Variants in TCF7L2 observed in about 807,000 individuals in gnomAD.
TCF7L2 encodes the protein transcription factor 7-like 2.
Under a neutral mutation model 77.9 loss-of-function variants are expected in TCF7L2, and 23 were observed. That is an observed-to-expected ratio of 0.30 (90% CI 0.21 to 0.42). The LOEUF is 0.42. Among genes scored for constraint, TCF7L2 ranks in the 10% least tolerant of loss-of-function variants. The probability of loss-of-function intolerance (pLI) is 1.00; values close to 1 mark genes in which losing one functional copy is unlikely to be tolerated. For missense variants in TCF7L2, 654 were observed against 793.1 expected (o/e 0.82, Z 2.11); for synonymous variants, 413 against 340.2 (o/e 1.21, Z -2.36).
chr10:113,104,688 A>G (rs2062058911), intron 5 of TCF7L2, among the ~76,000 whole-genome samples: 1 of 151,064 alleles, frequency 6.6e-6, no homozygotes, highest in African/African-American at 2.4e-5. Context: ...ATATCTCAGC[A>G]TTACTGAGCT....
chr10:113,101,256 C>G (rs2061603493), intron 5 of TCF7L2, among the ~76,000 whole-genome samples: 1 of 152,108 alleles, frequency 6.6e-6, no homozygotes, highest in African/African-American at 2.4e-5. Flanking sequence ...TATATCTTAT[C>G]TCATAAGATA....
intron 4 of TCF7L2, among the ~76,000 whole-genome samples, chr10:113,008,270 C>T (rs1291755444): frequency 6.6e-6 from 1 of 152,192 alleles, no homozygotes; most frequent in Admixed American, 6.5e-5. Context: ...TTCCCCACAC[C>T]TGCGTTGGGT....
intron 5 of TCF7L2, among the ~76,000 whole-genome samples, chr10:113,138,469 T>G (rs2067773014): frequency 6.6e-6 from 1 of 152,142 alleles, no homozygotes; most frequent in Admixed American, 6.5e-5. Context: ...AAACGCTATC[T>G]TCCTCTTTTG....
At chr10:113,023,905 G>C (rs1230146616) in intron 4 of TCF7L2, among the ~76,000 whole-genome samples, 1 of 151,732 alleles carries the variant, frequency 6.6e-6, no homozygotes, top group Admixed American at 6.6e-5. Flanking sequence ...TGATCCGCCC[G>C]CCTCGGCCTC....
intron 4 of TCF7L2, among the ~76,000 whole-genome samples, chr10:112,990,911 T>C (rs188612240): frequency 7.2e-5 from 11 of 152,230 alleles, no homozygotes; most frequent in East Asian, 5.8e-4. Context: ...GGCTTTTCAA[T>C]TGGAGACTGA....
intron 3 of TCF7L2, among the ~76,000 whole-genome samples, chr10:112,962,878 C>T (rs982588595): frequency 6.6e-6 from 1 of 152,196 alleles, no homozygotes; most frequent in African/African-American, 2.4e-5. Context: ...GGATTACAGG[C>T]GTGAGCCACT....
At chr10:113,095,306 G>A (rs115170239) in intron 5 of TCF7L2, among the ~76,000 whole-genome samples, 2,083 of 152,180 alleles carry the variant, frequency 0.014, 64 homozygotes, top group African/African-American at 0.048. Flanking sequence ...TGAGTGGGCC[G>A]GCAAATTCAA....
chr10:113,121,343 A>T (rs750211676), intron 5 of TCF7L2, among the ~76,000 whole-genome samples: 2 of 152,178 alleles, frequency 1.3e-5, no homozygotes, highest in Non-Finnish European at 2.9e-5. Flanking sequence ...TCATGACAAC[A>T]TGCCATTAGA....
At chr10:113,015,488 C>T (rs1457690529) in intron 4 of TCF7L2, among the ~76,000 whole-genome samples, 29 of 138,950 alleles carry the variant, frequency 2.1e-4, no homozygotes, top group African/African-American at 5.4e-4. Flanking sequence ...TCAGCTCTGT[C>T]GCCCAGGCTG....
chr10:113,139,898 G>A (rs777551439), intron 5 of TCF7L2, among the ~76,000 whole-genome samples: 3 of 151,582 alleles, frequency 2.0e-5, no homozygotes, highest in Non-Finnish European at 4.4e-5. Context: ...GGCACTAGTG[G>A]GCAGCACTAG....
intron 13 of TCF7L2, among the ~76,000 whole-genome samples, chr10:113,164,204 A>G (rs2073673311): frequency 6.6e-6 from 1 of 152,150 alleles, no homozygotes; most frequent in Admixed American, 6.5e-5. Flanking sequence ...GATTAATGGG[A>G]GGAGAAGCTT....
chr10:113,157,303 A>T (rs2137331300), intron 11 of TCF7L2, among the ~76,000 whole-genome samples: 1 of 152,226 alleles, frequency 6.6e-6, no homozygotes, highest in Admixed American at 6.5e-5. Context: ...TTTTTAGTAG[A>T]GACGGGGTTT....
chr10:113,081,749 G>T (rs1423814905), intron 5 of TCF7L2, among the ~76,000 whole-genome samples: 3 of 152,210 alleles, frequency 2.0e-5, no homozygotes, highest in African/African-American at 7.2e-5. Context: ...GTGCCAGTTA[G>T]TGTATGGATG....
intron 4 of TCF7L2, among the ~76,000 whole-genome samples, chr10:113,016,649 T>G (rs1038894691): frequency 2.0e-4 from 30 of 152,144 alleles, no homozygotes; most frequent in Admixed American, 1.4e-3. Flanking sequence ...TGACTTCGAC[T>G]GGAATTGAAT....
intron 4 of TCF7L2, among the ~76,000 whole-genome samples, chr10:112,984,459 TC>T (rs1185949153): frequency 1.3e-5 from 2 of 152,172 alleles, no homozygotes; most frequent in Non-Finnish European, 2.9e-5. Flanking sequence ...GTGCCTTACC[TC>T]TTTAATTGGT....
At chr10:113,145,986 C>CT in intron 7 of TCF7L2, 25 bp from the exon 8 acceptor site, 2 of 876,664 alleles carry the variant, frequency 2.3e-6, no homozygotes, top group Non-Finnish European at 1.8e-6. Context: ...TTTCAAGTCT[C>CT]TTACTTTGTA....
rs7918599 is a variant in TCF7L2 at position 113,017,637 on chromosome 10, C to T, written c.451-22388C>T. On this transcript the variant is annotated intron_variant, in intron 4 of 13. Coordinates refer to ENST00000627217, the MANE Select transcript of TCF7L2 (RefSeq NM_001146274.2). ...CACTGGAGACACCCTCTCTGGTCAC[C>T]GCAGACTTCCTGCCCTCCATCCAGT... Among the ~76,000 whole-genome samples the T allele has an allele frequency of 0.54, 81,656 of 152,066 alleles. 24,647 individuals are homozygous for T. Among genetic ancestry groups the T allele is most frequent in the African/African-American group, 0.81 (33,474 of 41,504 alleles).
chr10:113,143,116 C>G (rs1037712513), intron 6 of TCF7L2, among the ~76,000 whole-genome samples: 2 of 152,254 alleles, frequency 1.3e-5, no homozygotes, highest in Admixed American at 6.5e-5. Context: ...CAATTCCTCT[C>G]TGTCAGAGTG....
chr10:113,064,040 G>A (rs746895255), intron 5 of TCF7L2, among the ~76,000 whole-genome samples: 23 of 152,120 alleles, frequency 1.5e-4, no homozygotes, highest in Non-Finnish European at 2.9e-4. Flanking sequence ...AAGGGGAGGC[G>A]TTTATTGGTA....
Sources: gnomAD v4.1 joint callset for allele counts (sites outside exome capture counted in the v4.1 genomes callset) on GRCh38, gnomAD v4.1.1 for gene constraint, MANE v1.5 for transcripts, NCBI Gene and HGNC (gene_info 2026-07-23, HGNC 2026-07-21) for gene names.